Variants in METTL6 observed in about 807,000 individuals in gnomAD.
The protein encoded by METTL6 is tRNA N(3)-cytidine methyltransferase METTL6.
METTL6 carries 22 observed loss-of-function variants against 26.4 expected under a neutral mutation model. That is an observed-to-expected ratio of 0.83 (90% CI 0.59 to 1.19). The LOEUF (loss-of-function observed/expected upper bound fraction) is 1.19. METTL6 is among the 50% of genes most tolerant of loss of function. The pLI is 0.00. For missense variants in METTL6, 304 were observed against 324.8 expected, an observed-to-expected ratio of 0.94 and a Z score of 0.49; for synonymous variants, 109 against 116.2, an observed-to-expected ratio of 0.94 and a Z score of 0.40.
intron 4 of METTL6, 156 bp from the exon 5 acceptor site, chr3:15,414,318 T>C: frequency 4.2e-6 from 6 of 1,421,196 alleles, no homozygotes; most frequent in African/African-American, 1.4e-5. Context: ...CTTAAAAAGA[T>C]AGTAAGACCA....
chr3:15,426,070 AGCTGGGAC>A (rs1241165969), intron 2 of METTL6, among the ~76,000 whole-genome samples: 4 of 152,232 alleles, frequency 2.6e-5, no homozygotes, highest in African/African-American at 9.6e-5. Context: ...CCTTCCAAGT[AGCTGGGAC>A]TACAGGCGAG....
chr3:15,392,003 G>A (rs1454525392), intron 6 of METTL6, among the ~76,000 whole-genome samples: 1 of 151,966 alleles, frequency 6.6e-6, no homozygotes, highest in Admixed American at 6.6e-5. Context: ...TAATCCTTTG[G>A]GTATATACCC....
At chr3:15,407,760 T>C (rs1211715140), downstream of METTL6, among the ~76,000 whole-genome samples, 2 of 152,230 alleles carry the variant, frequency 1.3e-5, no homozygotes, top group Admixed American at 1.3e-4. Flanking sequence ...GTTATATCTA[T>C]GTTAAGCTAT....
chr3:15,392,297 C>G (rs1274567129), intron 6 of METTL6, among the ~76,000 whole-genome samples: 2 of 152,122 alleles, frequency 1.3e-5, no homozygotes, highest in Non-Finnish European at 2.9e-5. Flanking sequence ...TAAATGTCTT[C>G]TTTTGAGAAG....
downstream of METTL6, among the ~76,000 whole-genome samples, chr3:15,407,833 GT>G: frequency 1.3e-5 from 2 of 152,300 alleles, 1 homozygote; most frequent in Admixed American, 1.3e-4. Flanking sequence ...AGTTTGCCAT[GT>G]TGTAGTGTTC....
intron 4 of METTL6, chr3:15,414,903 C>A: frequency 9.3e-7 from 1 of 1,073,296 alleles, no homozygotes; most frequent in Admixed American, 3.3e-5. Flanking sequence ...GCCTGAGTGA[C>A]ACAGCAAGAC....
At position 15,411,421 on chromosome 3, in the gene METTL6, G is replaced by A; in HGVS notation, c.690C>T (p.Leu230=). ...CTTCTTCATAACCTGTGTCCATAAA[G>A]AGCTGAGCCAGGAAGTCTGTAAGAC... ...YFFTDDFLAQ[L]FMDTGYEEVV... The change falls in exon 6 of 6, where the codon CTC becomes CTT. Residue 230 remains leucine (L), a synonymous_variant. Coordinates refer to ENST00000383790, the MANE Select transcript of METTL6 (RefSeq NM_152396.4). 2.5e-6 allele frequency: 4 copies of A among 1,613,706 alleles called. No individual in the cohort carries two copies. The highest frequency in any genetic ancestry group is 3.4e-6 in the Non-Finnish European group (4 of 1,179,908).
intron 3 of METTL6, among the ~76,000 whole-genome samples, chr3:15,417,143 A>G (rs1213692758): frequency 2.0e-5 from 3 of 152,064 alleles, no homozygotes; most frequent in Admixed American, 2.0e-4. Flanking sequence ...CTAGCCTGGA[A>G]AACAGAGCAA....
At chr3:15,402,859 T>C (rs1699686806) in intron 6 of METTL6, among the ~76,000 whole-genome samples, 2 of 151,978 alleles carry the variant, frequency 1.3e-5, no homozygotes, top group Non-Finnish European at 2.9e-5. Flanking sequence ...GAATTGCGAA[T>C]CTTGTGGCTA....
downstream of METTL6, among the ~76,000 whole-genome samples, chr3:15,406,029 G>A (rs1017051714): frequency 2.1e-4 from 31 of 151,044 alleles, no homozygotes; most frequent in South Asian, 8.4e-4. Context: ...ATATACACAC[G>A]CACACACACA....
chr3:15,402,020 C>T (rs1230405679), intron 6 of METTL6, among the ~76,000 whole-genome samples: 3 of 152,150 alleles, frequency 2.0e-5, no homozygotes, highest in Non-Finnish European at 4.4e-5. Flanking sequence ...TGCACAAGGT[C>T]CAAGAACCCT....
chr3:15,402,460 A>G (rs1699672995), intron 6 of METTL6, among the ~76,000 whole-genome samples: 1 of 152,166 alleles, frequency 6.6e-6, no homozygotes, highest in Non-Finnish European at 1.5e-5. Flanking sequence ...CTGGCCGGGC[A>G]TGGTGGCTTA....
At chr3:15,423,369 G>A (rs1282987910) in intron 3 of METTL6, among the ~76,000 whole-genome samples, 2 of 152,218 alleles carry the variant, frequency 1.3e-5, no homozygotes, top group Non-Finnish European at 2.9e-5. Flanking sequence ...CTCCAGTCTA[G>A]GCGACAGAGC....
In METTL6 at chr3:15,425,018, T is replaced by C; in HGVS notation, c.297A>G (p.Glu99=). The change falls in exon 3 of 6, where the codon GAA becomes GAG. Residue 99 remains glutamate (E), a synonymous_variant. Coordinates refer to ENST00000383790, the MANE Select transcript of METTL6 (RefSeq NM_152396.4). The stretch of plus-strand genomic sequence containing the variant: ...CATAGGCAAAGATATTCGGATCTTC[T>C]TCTAAAAGTGGGAATAAACAGTTTC... The part of the protein sequence containing the change: ...GVGNCLFPLL[E]EDPNIFAYAC... The C allele has an allele frequency of 6.2e-7, 1 of 1,614,188 alleles. No individual in the cohort carries two copies. The highest frequency in any genetic ancestry group is 8.5e-7 in the Non-Finnish European group (1 of 1,180,036).
At position 15,390,434 on chromosome 3, in the gene METTL6, G is replaced by GAAT. The variant is rs146567641; in HGVS notation, c.*12-6250_*12-6248dup. On this transcript the variant is annotated intron_variant, in intron 6 of 6. Transcript: ENST00000443029. ...CAGAGCAAGACTCTGTCTCAAAAAA[G>GAAT]AATAATAATAATAATGAAACCACCT... Among the ~76,000 whole-genome samples the GAAT allele has an allele frequency of 2.3e-3, 353 of 151,998 alleles. 1 individual carries two copies. The highest frequency in any genetic ancestry group is 0.019 in the East Asian group (97 of 5,162).
intron 6 of METTL6, among the ~76,000 whole-genome samples, chr3:15,385,649 C>G (rs1488983717): frequency 1.3e-5 from 2 of 151,986 alleles, no homozygotes; most frequent in Non-Finnish European, 2.9e-5. Context: ...TGCTTGAAGC[C>G]AAGAGTTCAA....
chr3:15,395,144 G>A (rs560579449), intron 6 of METTL6, among the ~76,000 whole-genome samples: 5 of 152,308 alleles, frequency 3.3e-5, no homozygotes, highest in African/African-American at 1.2e-4. Context: ...AAGTCTCTTT[G>A]TAGGTCTCTA....
chr3:15,400,707 C>T (rs1248766946), intron 6 of METTL6, among the ~76,000 whole-genome samples: 1 of 152,076 alleles, frequency 6.6e-6, no homozygotes, highest in Non-Finnish European at 1.5e-5. Context: ...AGGGTCATTA[C>T]AGAAAACATG....
chr3:15,408,928 T>G (rs1314364897), downstream of METTL6, among the ~76,000 whole-genome samples: 1 of 152,098 alleles, frequency 6.6e-6, no homozygotes, highest in Non-Finnish European at 1.5e-5. Context: ...AGGCTGAAGC[T>G]GGCTGTGGGA....
Sources: allele counts gnomAD v4.1 joint callset (sites outside exome capture counted in the v4.1 genomes callset), GRCh38; gene constraint gnomAD v4.1.1; transcripts MANE v1.5; gene names NCBI Gene and HGNC (gene_info 2026-07-23, HGNC 2026-07-21).